The following OPCML variants were observed in gnomAD, a reference collection of about 807,000 sequenced individuals.
The protein encoded by OPCML is opioid binding protein/cell adhesion molecule like.
Under a neutral mutation model 37.8 loss-of-function variants are expected in OPCML, and 13 were observed. That is an observed-to-expected ratio of 0.34 (90% CI 0.22 to 0.55). The LOEUF (loss-of-function observed/expected upper bound fraction) is 0.55. OPCML is among the 20% of genes least tolerant of loss of function. OPCML has a pLI of 0.91. For synonymous variants in OPCML, 176 were observed against 168.8 expected, an observed-to-expected ratio of 1.04 and a Z score of -0.33; for missense variants, 341 against 435.6, an observed-to-expected ratio of 0.78 and a Z score of 1.93.
intron 2 of OPCML, among the ~76,000 whole-genome samples, chr11:132,777,930 C>A (rs1946863525): frequency 6.6e-6 from 1 of 152,150 alleles, no homozygotes. Context: ...GGACAAAAAG[C>A]TCTCATTTTT....
At chr11:133,366,472 T>TA (rs1401325704) in intron 1 of OPCML, among the ~76,000 whole-genome samples, 10 of 152,200 alleles carry the variant, frequency 6.6e-5, no homozygotes, top group South Asian at 2.1e-4. Context: ...GGGAACATGA[T>TA]AAAAAGTGTC....
intron 1 of OPCML, among the ~76,000 whole-genome samples, chr11:133,377,784 CTGTT>C (rs1382814666): frequency 6.6e-6 from 1 of 152,054 alleles, no homozygotes; most frequent in African/African-American, 2.4e-5. Flanking sequence ...TAAATTATCT[CTGTT>C]TGAAACACCT....
chr11:132,802,780 T>C (rs1236621185), intron 2 of OPCML, among the ~76,000 whole-genome samples: 2 of 152,132 alleles, frequency 1.3e-5, no homozygotes, highest in African/African-American at 4.8e-5. Context: ...TCCAGGGCCA[T>C]AGTAGAGCAA....
chr11:133,087,091 G>A (rs1053669236), intron 1 of OPCML, among the ~76,000 whole-genome samples: 1 of 152,288 alleles, frequency 6.6e-6, no homozygotes, highest in South Asian at 2.1e-4. Flanking sequence ...TAATTTAACA[G>A]ACGACGAACT....
intron 4 of OPCML, among the ~76,000 whole-genome samples, chr11:132,466,242 T>C (rs1403276996): frequency 6.6e-6 from 1 of 151,364 alleles, no homozygotes; most frequent in Non-Finnish European, 1.5e-5. Context: ...TCCCAGCACT[T>C]TGGGAGGCCG....
intron 1 of OPCML, among the ~76,000 whole-genome samples, chr11:133,331,634 T>C (rs1016422863): frequency 6.6e-6 from 1 of 152,248 alleles, no homozygotes; most frequent in Non-Finnish European, 1.5e-5. Context: ...TTACATACTA[T>C]TTTCTAACTC....
chr11:133,327,970 G>T (rs1943517608), intron 1 of OPCML, among the ~76,000 whole-genome samples: 1 of 152,056 alleles, frequency 6.6e-6, no homozygotes, highest in Non-Finnish European at 1.5e-5. Context: ...ATACGGGTTT[G>T]GTGGCTATTT....
intron 1 of OPCML, among the ~76,000 whole-genome samples, chr11:133,237,360 G>T (rs181052485): frequency 6.6e-6 from 1 of 152,240 alleles, no homozygotes; most frequent in African/African-American, 2.4e-5. Flanking sequence ...CAAGGGTTCA[G>T]TGAGCATTTC....
intron 4 of OPCML, among the ~76,000 whole-genome samples, chr11:132,524,207 G>A (rs1182368048): frequency 2.0e-5 from 3 of 152,168 alleles, no homozygotes; most frequent in Admixed American, 2.0e-4. Context: ...AGTTTATGCT[G>A]GCCCAGCTTC....
At chr11:133,225,670 G>A (rs1007866828) in intron 1 of OPCML, among the ~76,000 whole-genome samples, 1 of 152,094 alleles carries the variant, frequency 6.6e-6, no homozygotes, top group Admixed American at 6.6e-5. Context: ...AAAAACTGAG[G>A]CCTACAGAGA....
intron 1 of OPCML, among the ~76,000 whole-genome samples, chr11:133,081,235 T>G (rs1185680154): frequency 6.6e-6 from 1 of 152,000 alleles, no homozygotes; most frequent in Admixed American, 6.6e-5. Flanking sequence ...ATCTGGAGGG[T>G]TAGGGCTCTT....
At chr11:133,409,073 G>T (rs1945589395) in intron 1 of OPCML, among the ~76,000 whole-genome samples, 1 of 152,208 alleles carries the variant, frequency 6.6e-6, no homozygotes, top group African/African-American at 2.4e-5. Context: ...AGAACAGGCA[G>T]CTGTGAGGGG....
At chr11:133,132,534 C>G (rs1472739243) in intron 1 of OPCML, among the ~76,000 whole-genome samples, 4 of 152,060 alleles carry the variant, frequency 2.6e-5, no homozygotes, top group African/African-American at 9.7e-5. Flanking sequence ...TAGGCATGTA[C>G]CCAAGATAAA....
intron 1 of OPCML, among the ~76,000 whole-genome samples, chr11:133,464,098 TCCTGCACA>T (rs1946922969): frequency 6.6e-6 from 1 of 152,134 alleles, no homozygotes. Context: ...CTCCAATCCA[TCCTGCACA>T]CCTGCACACA....
intron 1 of OPCML, among the ~76,000 whole-genome samples, chr11:133,355,877 G>C (rs897042058): frequency 2.0e-5 from 3 of 152,198 alleles, no homozygotes; most frequent in African/African-American, 4.8e-5. Flanking sequence ...CAGGGTCTCT[G>C]TCTGTGCAGA....
Position 132,418,345 on chromosome 11 carries a change from G to A in OPCML, c.*1848C>T, listed in dbSNP as rs1169448874. Reference sequence around the variant, plus strand: ...GCAATGCCTTTATTTTGAATCCCAGGCAACTTTGCTGGATGAGTCCTTCTC... The same window carrying A: ...GCAATGCCTTTATTTTGAATCCCAGACAACTTTGCTGGATGAGTCCTTCTC... On this transcript the variant is annotated 3_prime_UTR_variant, in exon 8 of 8. Coordinates refer to ENST00000524381, the MANE Select transcript of OPCML (RefSeq NM_001012393.5). The A allele has an allele frequency of 6.6e-6, 1 of 152,184 alleles. No individual in the cohort carries two copies. The highest frequency in any genetic ancestry group is 2.4e-5 in the African/African-American group (1 of 41,438). The allele number at this position is 152,184 out of a possible 1,614,324, so 9.4% of individuals were successfully genotyped here. A position where few individuals can be genotyped will look rare whatever the true frequency, so the allele number is the denominator to read the frequency against.
chr11:133,078,933 C>CTAGGGGTTATAA (rs1288347563), intron 1 of OPCML, among the ~76,000 whole-genome samples: 3 of 152,116 alleles, frequency 2.0e-5, no homozygotes, highest in Admixed American at 1.3e-4. Flanking sequence ...TTATAAACGA[C>CTAGGGGTTATAA]AGATTTTAGA....
chr11:132,644,384 G>C (rs147779477), intron 3 of OPCML, among the ~76,000 whole-genome samples: 1 of 152,118 alleles, frequency 6.6e-6, no homozygotes, highest in Admixed American at 6.5e-5. Context: ...CGGACTCCCA[G>C]GGGACGCATG....
chr11:132,569,063 G>A (rs369502101), intron 3 of OPCML, among the ~76,000 whole-genome samples: 1 of 152,200 alleles, frequency 6.6e-6, no homozygotes, highest in Non-Finnish European at 1.5e-5. Flanking sequence ...GGCAGGCAGC[G>A]GGGCAGGTTC....
Sources: gnomAD v4.1 joint callset for allele counts (sites outside exome capture counted in the v4.1 genomes callset) on GRCh38, gnomAD v4.1.1 for gene constraint, MANE v1.5 for transcripts, NCBI Gene and HGNC (gene_info 2026-07-23, HGNC 2026-07-21) for gene names.